The following MTERF4 variants were observed in gnomAD, a reference collection of about 807,000 sequenced individuals.
The protein encoded by MTERF4 is transcription termination factor 4, mitochondrial.
In MTERF4, 17 loss-of-function variants were observed where a neutral mutation model predicts 22.5. That is an observed-to-expected ratio of 0.75 (90% CI 0.52 to 1.13). The LOEUF is 1.13. Ranked by LOEUF, MTERF4 falls within the 50% of genes most tolerant of loss-of-function variation. MTERF4 has a pLI of 0.00. For synonymous variants in MTERF4, 165 were observed against 175.3 expected, an observed-to-expected ratio of 0.94 and a Z score of 0.47; for missense variants, 420 against 466.8, an observed-to-expected ratio of 0.90 and a Z score of 0.92.
chr2:241,078,634 A>T (rs988217740), intron 4 of MTERF4, among the ~76,000 whole-genome samples: 2 of 151,770 alleles, frequency 1.3e-5, no homozygotes, highest in Non-Finnish European at 2.9e-5. Flanking sequence ...TCAGGACTGG[A>T]GGGTGGAGGG....
chr2:241,063,943 C>T, the MTERF4 span: 11 of 1,192,662 alleles, frequency 9.2e-6, no homozygotes, highest in Admixed American at 2.1e-5. Context: ...CCCTTCTTCC[C>T]GCTGTCCTCT....
intron 4 of MTERF4, among the ~76,000 whole-genome samples, chr2:241,076,732 A>G (rs2063036790): frequency 6.6e-6 from 1 of 152,070 alleles, no homozygotes; most frequent in African/African-American, 2.4e-5. Context: ...CATTTAGATC[A>G]GTGGAAAAGA....
the MTERF4 span, chr2:241,062,778 TCTCTC>T: frequency 8.8e-6 from 14 of 1,587,006 alleles, no homozygotes; most frequent in Non-Finnish European, 7.8e-6. Flanking sequence ...ATTCTTGGGC[TCTCTC>T]CTCTCAGAAA....
At chr2:241,066,742 G>T in the MTERF4 span, among the ~76,000 whole-genome samples, 5 of 152,182 alleles carry the variant, frequency 3.3e-5, no homozygotes, top group Non-Finnish European at 7.4e-5. Context: ...GCGGGTAGGT[G>T]GGGAGGAGCT....
downstream of MTERF4, chr2:241,068,036 C>A: frequency 8.2e-7 from 1 of 1,214,158 alleles, no homozygotes; most frequent in Non-Finnish European, 1.1e-6. This position sits in a 1 kb window ranked among gnomAD's most constrained non-coding sequence, Gnocchi z 5.3. Context: ...GCACATTCTC[C>A]GTGTGTGGAC....
At chr2:241,058,648 T>C in the MTERF4 span, among the ~76,000 whole-genome samples, 42 of 152,304 alleles carry the variant, frequency 2.8e-4, no homozygotes, top group African/African-American at 8.9e-4. Flanking sequence ...AGCTATTTCC[T>C]TGAAAAGATC....
At chr2:241,068,899 T>A (rs1457365423), downstream of MTERF4, 1 of 1,534,442 alleles carries the variant, frequency 6.5e-7, no homozygotes, top group East Asian at 2.4e-5. This position sits in a 1 kb window ranked among gnomAD's most constrained non-coding sequence, Gnocchi z 5.3. Context: ...CTTTGTCACC[T>A]CCTGCCCACA....
chr2:241,090,556 C>T (rs1374473770), downstream of MTERF4: 2 of 1,260,506 alleles, frequency 1.6e-6, no homozygotes, highest in Non-Finnish European at 2.1e-6. Context: ...CTTCTATACA[C>T]AGGGCAGTGC....
In MTERF4 at chr2:241,096,278, A is replaced by G. The variant is rs774476161; in HGVS notation, c.866T>C (p.Leu289Ser). The part of the protein sequence containing the change: ...KKGQTQIPNP[L>S]LKDILRVSEA... Reference sequence around the variant, plus strand: ...TGAAACTCTGAGAATGTCCTTGAGCAATGGGTTAGGGATCTGTGTCTGCCC... The same window carrying G: ...TGAAACTCTGAGAATGTCCTTGAGCGATGGGTTAGGGATCTGTGTCTGCCC... The change falls in exon 4 of 4, where the codon TTG becomes TCG. Residue 289 changes from leucine to serine, a missense_variant. By Grantham distance (145) the Leu-to-Ser change is moderately radical. Transcript: ENST00000391980. The surrounding 1 kb of genome is among the most constrained non-coding windows in gnomAD (Gnocchi z 5.1). The G allele has an allele frequency of 6.2e-7, 1 of 1,614,208 alleles. No homozygotes were observed. The highest frequency in any genetic ancestry group is 1.1e-5 in the South Asian group (1 of 91,084).
chr2:241,090,450 C>G (rs571301231), downstream of MTERF4: 5 of 1,536,118 alleles, frequency 3.3e-6, no homozygotes, highest in Admixed American at 4.0e-5. Flanking sequence ...GGAGTACACT[C>G]TAAAATAATG....
At chr2:241,085,537 T>C (rs1216171438), downstream of MTERF4, among the ~76,000 whole-genome samples, 1 of 152,204 alleles carries the variant, frequency 6.6e-6, no homozygotes, top group Non-Finnish European at 1.5e-5. Flanking sequence ...AAGGTCCTCA[T>C]CTGCTATTTC....
At chr2:241,094,467 G>C (rs1394332129), downstream of MTERF4, 1 of 466,790 alleles carries the variant, frequency 2.1e-6, no homozygotes, top group South Asian at 1.6e-5. The surrounding 1 kb of genome is among the most constrained non-coding windows in gnomAD (Gnocchi z 4.3). Flanking sequence ...TTTCAGTGCT[G>C]AATCCCCACA....
chr2:241,052,267 G>A, the MTERF4 span: 3 of 1,431,510 alleles, frequency 2.1e-6, no homozygotes, highest in South Asian at 2.4e-5. Context: ...CGCAGGAGGT[G>A]GAGCTGGGTG....
At chr2:241,067,758 C>T, downstream of MTERF4, 1 of 1,601,544 alleles carries the variant, frequency 6.2e-7, no homozygotes, top group East Asian at 2.2e-5. Context: ...AGTCCATTCC[C>T]CCTAGGACCC....
the MTERF4 span, among the ~76,000 whole-genome samples, chr2:241,055,899 T>A: frequency 6.6e-6 from 1 of 152,204 alleles, no homozygotes; most frequent in Admixed American, 6.5e-5. Flanking sequence ...TTAAAACTGC[T>A]CTAGCCCCAA....
downstream of MTERF4, chr2:241,082,396 A>C (rs532991509): frequency 4.1e-5 from 64 of 1,553,938 alleles, no homozygotes; most frequent in South Asian, 6.3e-4. Flanking sequence ...GCCTTACCGC[A>C]TTTGTCGTGT....
chr2:241,068,459 G>C (rs1382486861), downstream of MTERF4, among the ~76,000 whole-genome samples: 14 of 152,094 alleles, frequency 9.2e-5, no homozygotes, highest in Admixed American at 9.2e-4. This position sits in a 1 kb window ranked among gnomAD's most constrained non-coding sequence, Gnocchi z 5.3. Context: ...CGCAGGCAGG[G>C]GTGCAGGAAA....
At chr2:241,088,343 G>T, downstream of MTERF4, 4 of 1,586,502 alleles carry the variant, frequency 2.5e-6, no homozygotes, top group South Asian at 2.2e-5. Flanking sequence ...TTCATTAAAC[G>T]ACTTTTCTCT....
At chr2:241,102,131 T>G (rs2064741314) in intron 1 of MTERF4, 122 bp downstream of exon 1, 3 of 1,368,932 alleles carry the variant, frequency 2.2e-6, no homozygotes, top group Non-Finnish European at 1.0e-6. Flanking sequence ...CAGGTCAGCG[T>G]GCACGGACCT....
Sources: gnomAD v4.1 joint callset for allele counts (sites outside exome capture counted in the v4.1 genomes callset) on GRCh38, gnomAD v4.1.1 for gene constraint, Gnocchi (gnomAD v3.1) non-coding constraint, MANE v1.5 for transcripts, NCBI Gene and HGNC (gene_info 2026-07-23, HGNC 2026-07-21) for gene names.